ECSCR: variants seen among roughly 807,000 people sequenced by gnomAD.
ECSCR encodes the protein endothelial cell-specific chemotaxis regulator.
Under a neutral mutation model 16.7 loss-of-function variants are expected in ECSCR, and 12 were observed. The ratio of observed to expected loss-of-function variants is 0.72; its 90% CI spans 0.46 to 1.17. The LOEUF is 1.17. Among genes scored for constraint, ECSCR ranks in the 50% most tolerant of loss-of-function variants. The pLI is 0.00. For missense variants in ECSCR, 122 were observed against 116.1 expected (o/e 1.05, Z -0.23); for synonymous variants, 44 against 42.2 (o/e 1.04, Z -0.17).
chr5:139,458,294 C>A, intron 1 of ECSCR, 111 bp from the exon 2 acceptor site: 1 of 1,042,072 alleles, frequency 9.6e-7, no homozygotes, highest in African/African-American at 1.6e-5. Context: ...TAGCAAGACC[C>A]TGTCTCTAAA....
chr5:139,454,259 C>T lies in ECSCR; in HGVS notation c.512+343G>A, dbSNP rs1200644491. On this transcript the variant is annotated intron_variant, in intron 8 of 9. Transcript: ENST00000618155. ...GGGGTCGTGTGGTGTGTGAGATGTG[C>T]GTCTAGTGGGGTGTGTGGTATGTGG... Among the ~76,000 whole-genome samples, 28 of 101,042 alleles carry T rather than the reference C, an allele frequency of 2.8e-4. No homozygotes were observed. The South Asian group carries it at 8.0e-3, about 29-fold the overall frequency. 66.3% of individuals were successfully genotyped at this position (101,042 alleles called of 152,430 possible). A position where few individuals can be genotyped will look rare whatever the true frequency, so the allele number is the denominator to read the frequency against.
At chr5:139,462,336 A>G (rs1003504839) in intron 1 of ECSCR, among the ~76,000 whole-genome samples, 15 of 152,162 alleles carry the variant, frequency 9.9e-5, no homozygotes, top group Non-Finnish European at 1.8e-4. Context: ...TTGCACTAAC[A>G]CAGCTCCCTC....
Position 139,451,269 on chromosome 5 carries a change from TATGTGTC to T in ECSCR, c.513-2102_513-2096del, listed in dbSNP as rs558900543. ...GTGTGTGTGTATGGTATGGGAGTGT[TATGTGTC>T]ATGTATGTGATGTGTGGGGGAGTGT... On this transcript the variant is annotated intron_variant, in intron 8 of 9. Coordinates refer to ENST00000618155, the MANE Select transcript of ECSCR (RefSeq NM_001077693.4). Among the ~76,000 whole-genome samples the T allele has an allele frequency of 7.9e-3, 1,143 of 145,594 alleles. 15 individuals are homozygous for T. Among genetic ancestry groups the T allele is most frequent in the African/African-American group, 0.027 (1,071 of 39,212 alleles).
chr5:139,454,014 A>T (rs1481328309), intron 8 of ECSCR, among the ~76,000 whole-genome samples: 1 of 117,282 alleles, frequency 8.5e-6, no homozygotes, highest in Non-Finnish European at 1.7e-5. Context: ...GGGTGTGTGT[A>T]TAGTATGGGA....
intron 8 of ECSCR, among the ~76,000 whole-genome samples, chr5:139,452,457 GTA>G (rs1490882894): frequency 4.6e-4 from 69 of 151,544 alleles, no homozygotes; most frequent in Non-Finnish European, 7.4e-4. Flanking sequence ...TGGTAGGTGG[GTA>G]TGTGTGTGTA....
intron 4 of ECSCR, among the ~76,000 whole-genome samples, chr5:139,457,295 G>A (rs1410025566): frequency 2.0e-5 from 3 of 152,106 alleles, no homozygotes; most frequent in African/African-American, 7.2e-5. Context: ...TCTCAGCTCG[G>A]CTTCAGAAGC....
chr5:139,458,034 G>C, intron 2 of ECSCR, 105 bp downstream of exon 2: 1 of 1,323,212 alleles, frequency 7.6e-7, no homozygotes, highest in Non-Finnish European at 1.1e-6. Flanking sequence ...CTCCAGCTGC[G>C]GCCCCAGCCC....
At chr5:139,452,184 T>A (rs1298612474) in intron 8 of ECSCR, among the ~76,000 whole-genome samples, 13 of 141,496 alleles carry the variant, frequency 9.2e-5, no homozygotes, top group Non-Finnish European at 2.0e-4. Context: ...TGGGTATGTG[T>A]GAGTAGTGTG....
chr5:139,460,093 A>G (rs943432505), intron 1 of ECSCR, among the ~76,000 whole-genome samples: 1 of 151,444 alleles, frequency 6.6e-6, no homozygotes, highest in Non-Finnish European at 1.5e-5. Flanking sequence ...TCCTGAAAAC[A>G]TGTATCAGTT....
At chr5:139,449,662 T>C (rs1170621808) in intron 8 of ECSCR, among the ~76,000 whole-genome samples, 1 of 151,934 alleles carries the variant, frequency 6.6e-6, no homozygotes, top group East Asian at 1.9e-4. Flanking sequence ...AAATTTTGGT[T>C]TTACTACCTA....
chr5:139,456,549 G>A (rs1751162958), intron 4 of ECSCR, 31 bp from the exon 5 acceptor site: 1 of 398,538 alleles, frequency 2.5e-6, no homozygotes, highest in Non-Finnish European at 4.4e-6. Context: ...ACCAAGATGG[G>A]GGCATCCCCC....
chr5:139,450,955 T>C (rs1050230470), intron 8 of ECSCR, among the ~76,000 whole-genome samples: 1 of 152,172 alleles, frequency 6.6e-6, no homozygotes, highest in Non-Finnish European at 1.5e-5. Context: ...GATGGGGTTA[T>C]AGAGGGTTAG....
intron 8 of ECSCR, among the ~76,000 whole-genome samples, chr5:139,451,077 T>C (rs1483692872): frequency 1.3e-5 from 2 of 151,992 alleles, no homozygotes; most frequent in Non-Finnish European, 2.9e-5. Context: ...GTCAGGATTG[T>C]ATGTGTGTGG....
At chr5:139,458,003 G>T in intron 2 of ECSCR, 136 bp downstream of exon 2, 1 of 1,165,206 alleles carries the variant, frequency 8.6e-7, no homozygotes, top group Non-Finnish European at 1.2e-6. Context: ...GCTCAGCCTT[G>T]GTGAGTCCTG....
intron 8 of ECSCR, among the ~76,000 whole-genome samples, chr5:139,451,988 T>G (rs1377917792): frequency 1.4e-5 from 2 of 145,046 alleles, no homozygotes; most frequent in African/African-American, 5.2e-5. Flanking sequence ...GTGTGGTGCA[T>G]GGGGTGTATG....
At chr5:139,458,405 G>A (rs555138504) in intron 1 of ECSCR, among the ~76,000 whole-genome samples, 33 of 146,976 alleles carry the variant, frequency 2.2e-4, no homozygotes, top group Non-Finnish European at 3.7e-4. Context: ...GAGGTGGCAG[G>A]ATTGCTTGAG....
intron 2 of ECSCR, 166 bp from the exon 3 acceptor site, chr5:139,457,973 G>A: frequency 3.2e-6 from 2 of 621,938 alleles, no homozygotes; most frequent in Non-Finnish European, 4.0e-6. Flanking sequence ...CAGCTAGGCT[G>A]AAAAAAAATC....
intron 8 of ECSCR, among the ~76,000 whole-genome samples, chr5:139,451,585 G>C (rs1751050330): frequency 6.7e-6 from 1 of 148,164 alleles, no homozygotes; most frequent in East Asian, 2.0e-4. Flanking sequence ...TGGTGTGTGT[G>C]TGGTGTCTGT....
intron 8 of ECSCR, among the ~76,000 whole-genome samples, chr5:139,453,975 G>A (rs1751100486): frequency 6.7e-6 from 1 of 148,474 alleles, no homozygotes; most frequent in Admixed American, 6.7e-5. Context: ...TGTGGGATGT[G>A]GGGCATGTGG....
Sources: allele counts gnomAD v4.1 joint callset (sites outside exome capture counted in the v4.1 genomes callset), GRCh38; gene constraint gnomAD v4.1.1; transcripts MANE v1.5; gene names NCBI Gene and HGNC (gene_info 2026-07-23, HGNC 2026-07-21).